Variants in MEGF10 observed in about 807,000 individuals in gnomAD.
MEGF10 encodes the protein multiple EGF like domains 10, also known as multiple epidermal growth factor-like domains protein 10.
Under a neutral mutation model 147.5 loss-of-function variants are expected in MEGF10, and 86 were observed. The ratio of observed to expected loss-of-function variants is 0.58; its 90% CI spans 0.49 to 0.70. MEGF10 has a LOEUF of 0.70. Ranked by LOEUF, MEGF10 falls within the 30% of genes least tolerant of loss-of-function variation. The probability of loss-of-function intolerance (pLI) is 0.00; values close to 1 mark genes in which losing one functional copy is unlikely to be tolerated. For synonymous variants in MEGF10, 478 were observed against 525.5 expected (o/e 0.91, Z 1.24); for missense variants, 1,329 against 1,487.3 (o/e 0.89, Z 1.75).
chr5:127,419,998 C>G, intron 11 of MEGF10, 46 bp from the exon 12 acceptor site: 1 of 1,600,534 alleles, frequency 6.2e-7, no homozygotes, highest in Non-Finnish European at 8.5e-7. Flanking sequence ...ACAAGGCTCT[C>G]TGCTGCCTTT....
In MEGF10 at chr5:127,460,622, A is replaced by AT. The variant is rs1766527685; in HGVS notation, c.*3309dup. On this transcript the variant is annotated 3_prime_UTR_variant, in exon 25 of 25. Coordinates refer to ENST00000503335, the MANE Select transcript of MEGF10 (RefSeq NM_001256545.2). ...GCCACAGTAGCTGTCAATTATTGAG[A>AT]TTTTTAAATGGTAAATATTGCAAAA... is the stretch of plus-strand genomic sequence containing the variant. The AT allele has an allele frequency of 6.6e-6, 1 of 152,176 alleles. No individual in the cohort carries two copies. The highest frequency in any genetic ancestry group is 2.1e-4 in the South Asian group (1 of 4,836). The allele number at this position is 152,176 out of a possible 1,614,324, so 9.4% of individuals were successfully genotyped here.
intron 24 of MEGF10, among the ~76,000 whole-genome samples, 180 bp downstream of exon 24, chr5:127,455,787 T>G (rs1222185170): frequency 6.6e-6 from 1 of 151,636 alleles, no homozygotes; most frequent in Non-Finnish European, 1.5e-5. Flanking sequence ...GTCACCCAGG[T>G]GGTGTGCAGT....
the MEGF10 span, among the ~76,000 whole-genome samples, chr5:127,241,396 A>G: frequency 6.6e-6 from 1 of 152,168 alleles, no homozygotes; most frequent in Non-Finnish European, 1.5e-5. Context: ...TAACAAAGGA[A>G]TGTTCATGAA....
At chr5:127,449,935 AAATT>A (rs1403471359) in intron 22 of MEGF10, among the ~76,000 whole-genome samples, 1 of 143,682 alleles carries the variant, frequency 7.0e-6, no homozygotes, top group Non-Finnish European at 1.5e-5. Context: ...TAATTTATTT[AAATT>A]AATAATAATC....
chr5:127,432,134 A>G (rs1326996732), intron 13 of MEGF10, among the ~76,000 whole-genome samples: 1 of 152,184 alleles, frequency 6.6e-6, no homozygotes, highest in Non-Finnish European at 1.5e-5. Flanking sequence ...AGCTAGACAC[A>G]ATGAGGTCTG....
chr5:127,440,470 T>G (rs1039909095), intron 17 of MEGF10, among the ~76,000 whole-genome samples: 8 of 152,292 alleles, frequency 5.3e-5, no homozygotes, highest in African/African-American at 1.9e-4. Flanking sequence ...TAGAAGGCAC[T>G]AGTCTTGCCT....
chr5:127,413,057 C>T (rs1478171120), intron 9 of MEGF10, among the ~76,000 whole-genome samples: 1 of 152,120 alleles, frequency 6.6e-6, no homozygotes, highest in Non-Finnish European at 1.5e-5. Flanking sequence ...TAAGACAAGT[C>T]ATCTAACCAA....
At chr5:127,347,549 A>G (rs1761935322) in intron 4 of MEGF10, among the ~76,000 whole-genome samples, 1 of 152,110 alleles carries the variant, frequency 6.6e-6, no homozygotes, top group Non-Finnish European at 1.5e-5. Context: ...TAGAGAAGCA[A>G]GAAGTATGAT....
intron 13 of MEGF10, among the ~76,000 whole-genome samples, chr5:127,425,179 ATGTGTTAG>A (rs1454851552): frequency 1.3e-5 from 2 of 152,222 alleles, no homozygotes; most frequent in East Asian, 3.8e-4. Context: ...CAGCCGGAAA[ATGTGTTAG>A]TTGCATTCCA....
intron 1 of MEGF10, among the ~76,000 whole-genome samples, chr5:127,330,521 T>C (rs1397678885): frequency 1.3e-5 from 2 of 152,196 alleles, no homozygotes; most frequent in African/African-American, 4.8e-5. Context: ...GCCTATCTAT[T>C]TTCCAAGCTT....
intron 2 of MEGF10, among the ~76,000 whole-genome samples, chr5:127,337,792 C>CA (rs1339725630): frequency 6.6e-6 from 1 of 152,030 alleles, no homozygotes. Flanking sequence ...CATGAGGACC[C>CA]AGGGAAGTGA....
upstream of MEGF10, among the ~76,000 whole-genome samples, chr5:127,288,502 T>A (rs1759101425): frequency 2.0e-5 from 3 of 152,144 alleles, no homozygotes; most frequent in African/African-American, 7.2e-5. Flanking sequence ...ATGGTCACCA[T>A]CATTAGTCAG....
At chr5:127,423,681 C>T (rs1255260538) in intron 13 of MEGF10, among the ~76,000 whole-genome samples, 3 of 152,022 alleles carry the variant, frequency 2.0e-5, no homozygotes, top group Non-Finnish European at 2.9e-5. Context: ...TCTCTATTAT[C>T]TTCTTTATAT....
chr5:127,383,550 A>G (rs1037840278), intron 5 of MEGF10, among the ~76,000 whole-genome samples: 1 of 152,218 alleles, frequency 6.6e-6, no homozygotes, highest in Non-Finnish European at 1.5e-5. Flanking sequence ...AACATTTTAT[A>G]TAAAGCTAAT....
chr5:127,337,885 C>G (rs1389156902), intron 2 of MEGF10, among the ~76,000 whole-genome samples: 2 of 152,038 alleles, frequency 1.3e-5, no homozygotes, highest in African/African-American at 4.8e-5. Context: ...TCAACAGAGC[C>G]TGTTTCATTG....
Position 127,290,838 on chromosome 5 carries a change from C to T in MEGF10, c.-237C>T, listed in dbSNP as rs1388505657. 1 of 152,192 alleles carries T rather than the reference C, an allele frequency of 6.6e-6. No individual in the cohort carries two copies. The highest frequency in any genetic ancestry group is 1.5e-5 in the Non-Finnish European group (1 of 68,062). The allele number at this position is 152,192 out of a possible 1,614,324, so 9.4% of individuals were successfully genotyped here. A position where few individuals can be genotyped will look rare whatever the true frequency, so the allele number is the denominator to read the frequency against. On this transcript the variant is annotated 5_prime_UTR_variant, in exon 1 of 25. Transcript: ENST00000503335. ...TTCAAGTTTGCAGCAAGTACTTTCC[C>T]GGTGCGCAAAACTGGGCGACTGGGA...
At chr5:127,319,442 C>T (rs565984403) in intron 1 of MEGF10, among the ~76,000 whole-genome samples, 1 of 152,228 alleles carries the variant, frequency 6.6e-6, no homozygotes, top group South Asian at 2.1e-4. Flanking sequence ...ATAGTGGACT[C>T]GTCTCTATGT....
the MEGF10 span, among the ~76,000 whole-genome samples, chr5:127,242,433 A>C: frequency 1.3e-5 from 2 of 152,230 alleles, no homozygotes; most frequent in South Asian, 4.1e-4. Flanking sequence ...CATTCAAATC[A>C]GTGATGTGGT....
At chr5:127,266,872 G>A in the MEGF10 span, among the ~76,000 whole-genome samples, 2 of 152,194 alleles carry the variant, frequency 1.3e-5, no homozygotes, top group African/African-American at 4.8e-5. Context: ...TGCAAACAGG[G>A]ATGATTTGAC....
Sources: allele counts gnomAD v4.1 joint callset (sites outside exome capture counted in the v4.1 genomes callset), GRCh38; gene constraint gnomAD v4.1.1; transcripts MANE v1.5; gene names NCBI Gene and HGNC (gene_info 2026-07-23, HGNC 2026-07-21).